The following USP34 variants were observed in gnomAD, a reference collection of about 807,000 sequenced individuals.
USP34 encodes the protein ubiquitin carboxyl-terminal hydrolase 34.
USP34 carries 70 observed loss-of-function variants against 460.3 expected under a neutral mutation model. The observed-to-expected ratio is 0.15, with a 90% CI of 0.13 to 0.19. The LOEUF (loss-of-function observed/expected upper bound fraction) is 0.19. Ranked by LOEUF, USP34 falls within the 10% of genes least tolerant of loss-of-function variation. USP34 has a pLI of 1.00. For missense variants in USP34, 3,985 were observed against 4,236.2 expected, an observed-to-expected ratio of 0.94 and a Z score of 1.65; for synonymous variants, 1,647 against 1,405.3, an observed-to-expected ratio of 1.17 and a Z score of -3.85.
rs1229534435 is a variant in USP34, at chr2:61,350,291, T to C, written c.1476A>G (p.Leu492=). The change falls in exon 12 of 80, where the codon TTA becomes TTG. Residue 492 remains leucine (L), a synonymous_variant. Transcript: ENST00000398571. ...TATTTCCAATGGGAATATTAGTATT[T>C]AATAAAGATGCAAAAGAACTCTGTT... ...LSKQSSFASL[L]NTNIPIGNKK... 1.2e-6 allele frequency: 2 copies of C among 1,611,686 alleles called. No individual in the cohort carries two copies. The highest frequency in any genetic ancestry group is 1.7e-6 in the Non-Finnish European group (2 of 1,178,646).
At chr2:61,279,286 T>C (rs939821372) in intron 39 of USP34, among the ~76,000 whole-genome samples, 4 of 152,166 alleles carry the variant, frequency 2.6e-5, no homozygotes, top group African/African-American at 9.7e-5. Context: ...AAAGTGAACA[T>C]ATTGAACTTT....
chr2:61,277,902 C>T (rs1689418567), intron 41 of USP34: 6 of 380,122 alleles, frequency 1.6e-5, no homozygotes, highest in South Asian at 8.1e-5. Flanking sequence ...AAACCGCTTT[C>T]GCTTGGTTCT....
intron 44 of USP34, among the ~76,000 whole-genome samples, chr2:61,257,980 G>A (rs1163700283): frequency 6.6e-6 from 1 of 152,144 alleles, no homozygotes; most frequent in Non-Finnish European, 1.5e-5. Flanking sequence ...ATTGAACTTT[G>A]TTTTAATAGC....
intron 1 of USP34, among the ~76,000 whole-genome samples, chr2:61,454,154 C>T (rs879659884): frequency 2.0e-5 from 3 of 152,090 alleles, no homozygotes; most frequent in African/African-American, 4.8e-5. Context: ...TGGGGTTTTT[C>T]GAGAAGGAGT....
intron 37 of USP34, among the ~76,000 whole-genome samples, chr2:61,282,761 G>C (rs1689571204): frequency 6.6e-6 from 1 of 151,834 alleles, no homozygotes; most frequent in Non-Finnish European, 1.5e-5. Context: ...CTACACTCTA[G>C]CCTGGGTGAT....
At chr2:61,413,769 G>C (rs1195179141) in intron 2 of USP34, among the ~76,000 whole-genome samples, 1 of 146,448 alleles carries the variant, frequency 6.8e-6, no homozygotes, top group Non-Finnish European at 1.5e-5. Context: ...CCTGAGCTCA[G>C]GAGCTCGAGC....
Position 61,318,501 on chromosome 2 carries a change from A to G in USP34, c.3168+672T>C, listed in dbSNP as rs141005757. ...CACACTAAAACTCATTCATATATATACTCAGTTCCAACATGGAGATAACGT... is the reference window on the plus strand; with the variant it reads ...CACACTAAAACTCATTCATATATATGCTCAGTTCCAACATGGAGATAACGT... On this transcript the variant is annotated intron_variant, in intron 22 of 79. Coordinates refer to ENST00000398571, the MANE Select transcript of USP34 (RefSeq NM_014709.4). Among the ~76,000 whole-genome samples the G allele has an allele frequency of 1.5e-4, 23 of 152,282 alleles. 1 individual carries two copies. In the East Asian group the frequency reaches 4.2e-3, roughly 28 times the overall value.
rs140815992 is a variant in USP34 at position 61,401,293 on chromosome 2, C to CAGAG, written c.552+4411_552+4414dup. ...AAAGATAGGGTCCCACTCTGTCATG[C>CAGAG]AGAGGCATGATCATAACTCACTGCA... On this transcript the variant is annotated intron_variant, in intron 3 of 79. Coordinates refer to ENST00000398571, the MANE Select transcript of USP34 (RefSeq NM_014709.4). Among the ~76,000 whole-genome samples the CAGAG allele has an allele frequency of 4.0e-4, 61 of 152,002 alleles. No homozygotes were observed. In the East Asian group the frequency reaches 0.011, roughly 28 times the overall value.
intron 27 of USP34, among the ~76,000 whole-genome samples, chr2:61,307,016 A>G (rs1489445228): frequency 6.6e-6 from 1 of 152,072 alleles, no homozygotes; most frequent in Non-Finnish European, 1.5e-5. Context: ...ACATGCACAC[A>G]TATGTTTATT....
At chr2:61,390,048 A>G (rs897444140) in intron 5 of USP34, among the ~76,000 whole-genome samples, 1 of 152,164 alleles carries the variant, frequency 6.6e-6, no homozygotes, top group Non-Finnish European at 1.5e-5. Flanking sequence ...TTGCTAGTAT[A>G]TTTGTAAAAA....
At chr2:61,288,074 T>C (rs150892074) in intron 34 of USP34, among the ~76,000 whole-genome samples, 226 of 152,326 alleles carry the variant, frequency 1.5e-3, no homozygotes, top group African/African-American at 5.2e-3. Flanking sequence ...AAGACAGAGT[T>C]TGTTTCAGCC....
chr2:61,450,496 G>C (rs1695239401), intron 1 of USP34, among the ~76,000 whole-genome samples: 1 of 152,054 alleles, frequency 6.6e-6, no homozygotes, highest in Admixed American at 6.6e-5. Flanking sequence ...GTTCACTATA[G>C]CTGTTAAAAA....
At position 61,199,657 on chromosome 2, in the gene USP34, TATTTCCCACCA is replaced by T. The variant is rs549244238; in HGVS notation, c.9508+3472_9508+3482del. Among the ~76,000 whole-genome samples the T allele has an allele frequency of 5.6e-4, 85 of 152,246 alleles. 1 individual carries two copies. The highest frequency in any genetic ancestry group is 9.4e-4 in the Non-Finnish European group (64 of 68,050). The stretch of plus-strand genomic sequence containing the variant: ...GCTAACCAGTTATGTCACTACCACC[TATTTCCCACCA>T]ATTTCCCACCAATTTGGGATGTCAT... On this transcript the variant is annotated intron_variant, in intron 75 of 79. Coordinates refer to ENST00000398571, the MANE Select transcript of USP34 (RefSeq NM_014709.4).
chr2:61,250,968 G>A (rs1291231390), intron 48 of USP34, among the ~76,000 whole-genome samples: 1 of 151,896 alleles, frequency 6.6e-6, no homozygotes, highest in Non-Finnish European at 1.5e-5. Context: ...GAAACCCCGT[G>A]TCTACTAAAA....
intron 1 of USP34, among the ~76,000 whole-genome samples, chr2:61,444,509 AAAT>A (rs1342854660): frequency 6.6e-6 from 1 of 152,216 alleles, no homozygotes; most frequent in African/African-American, 2.4e-5. Flanking sequence ...ACATTTGAAA[AAAT>A]AATGGCTAAG....
chr2:61,358,429 G>C (rs993835705), intron 10 of USP34, among the ~76,000 whole-genome samples: 1 of 151,866 alleles, frequency 6.6e-6, no homozygotes, highest in Non-Finnish European at 1.5e-5. Context: ...CAACCTGGAA[G>C]ATTCCTTTCA....
At chr2:61,459,962 T>C (rs1403629149) in intron 1 of USP34, among the ~76,000 whole-genome samples, 1 of 152,060 alleles carries the variant, frequency 6.6e-6, no homozygotes, top group African/African-American at 2.4e-5. Context: ...CTCGGGTGGC[T>C]GAGGGAGGAG....
At chr2:61,354,459 T>G (rs1692045934) in intron 10 of USP34, among the ~76,000 whole-genome samples, 1 of 152,198 alleles carries the variant, frequency 6.6e-6, no homozygotes, top group African/African-American at 2.4e-5. Context: ...TGAAGGAGTT[T>G]GTGACACTTA....
chr2:61,429,497 T>C (rs1573032895), intron 1 of USP34, among the ~76,000 whole-genome samples: 1 of 152,054 alleles, frequency 6.6e-6, no homozygotes, highest in Non-Finnish European at 1.5e-5. Context: ...TGTGGTAGCA[T>C]GCACCTGTAG....
Sources: gnomAD v4.1 joint callset for allele counts (sites outside exome capture counted in the v4.1 genomes callset) on GRCh38, gnomAD v4.1.1 for gene constraint, MANE v1.5 for transcripts, NCBI Gene and HGNC (gene_info 2026-07-23, HGNC 2026-07-21) for gene names.